CASZ1: variants seen among roughly 807,000 people sequenced by gnomAD.
The protein encoded by CASZ1 is zinc finger protein castor homolog 1.
In CASZ1, 28 loss-of-function variants were observed where a neutral mutation model predicts 135.2. That is an observed-to-expected ratio of 0.21 (90% CI 0.15 to 0.28). The LOEUF (loss-of-function observed/expected upper bound fraction) is 0.28, where lower values mean the gene tolerates loss of function less well. Among genes scored for constraint, CASZ1 ranks in the 10% least tolerant of loss-of-function variants. The pLI, the probability that CASZ1 is intolerant of heterozygous loss-of-function variation, is 1.00. For synonymous variants in CASZ1, 1,068 were observed against 1,073.4 expected (o/e 0.99, Z 0.10); for missense variants, 2,161 against 2,453.3 (o/e 0.88, Z 2.52).
rs1427675281 is a variant in CASZ1 at position 10,638,024 on chromosome 1, T to C, written c.*918A>G. ...ACAGTTAAGGCCTCTACAAAAACCCTGGACCAAATCCCACAGGATAAACGG... is the reference window on the plus strand; with the variant it reads ...ACAGTTAAGGCCTCTACAAAAACCCCGGACCAAATCCCACAGGATAAACGG... On this transcript the variant is annotated 3_prime_UTR_variant, in exon 21 of 21. Coordinates refer to ENST00000377022, the MANE Select transcript of CASZ1 (RefSeq NM_001079843.3). This position sits in a 1 kb window ranked among gnomAD's most constrained non-coding sequence, Gnocchi z 5.9. The C allele has an allele frequency of 6.6e-6, 1 of 152,458 alleles. No individual in the cohort carries two copies. Among genetic ancestry groups the C allele is most frequent in the African/African-American group, 2.4e-5 (1 of 41,456 alleles). The allele number at this position is 152,458 out of a possible 1,614,324, so 9.4% of individuals were successfully genotyped here.
At chr1:10,655,430 A>T (rs1642753731) in intron 9 of CASZ1, among the ~76,000 whole-genome samples, 1 of 152,258 alleles carries the variant, frequency 6.6e-6, no homozygotes, top group Non-Finnish European at 1.5e-5. Flanking sequence ...GCCATGGGGA[A>T]GGCCCCACCC....
chr1:10,777,508 G>A lies in CASZ1; in HGVS notation c.-233-16651C>T, dbSNP rs1021872167. 2.6e-5 allele frequency among the ~76,000 whole-genome samples: 4 copies of A among 152,188 alleles called. No homozygotes were observed. Among genetic ancestry groups the A allele is most frequent in the Admixed American group, 2.6e-4 (4 of 15,282 alleles). On this transcript the variant is annotated intron_variant, in intron 1 of 20. Transcript: ENST00000377022. This position sits in a 1 kb window ranked among gnomAD's most constrained non-coding sequence, Gnocchi z 4.4. The stretch of plus-strand genomic sequence containing the variant: ...CTCACTCAGGGTAGGCCTGGGGCAG[G>A]GGACCAAGTGATACGCGAAAAACAG...
At chr1:10,669,284 GCCCTAGGAAAT>G (rs1557490285) in intron 4 of CASZ1, among the ~76,000 whole-genome samples, 1 of 152,202 alleles carries the variant, frequency 6.6e-6, no homozygotes, top group Non-Finnish European at 1.5e-5. Flanking sequence ...CCCTAAGCCG[GCCCTAGGAAAT>G]CCCAGGCCTC....
intron 15 of CASZ1, chr1:10,648,575 T>G (rs1642450843): frequency 5.0e-6 from 1 of 198,522 alleles, no homozygotes; most frequent in South Asian, 1.3e-4. Flanking sequence ...TTTAAACGAT[T>G]TCAAGTTCTG....
chr1:10,670,283 C>T (rs2100314142), intron 4 of CASZ1, among the ~76,000 whole-genome samples: 1 of 152,338 alleles, frequency 6.6e-6, no homozygotes, highest in Middle Eastern at 3.4e-3. Context: ...TGTCCATTCC[C>T]ACATAAGGAA....
chr1:10,751,954 C>T (rs571909952), intron 2 of CASZ1, among the ~76,000 whole-genome samples: 44 of 152,346 alleles, frequency 2.9e-4, no homozygotes, highest in African/African-American at 7.7e-4. Flanking sequence ...TCCACAGGAA[C>T]GGATCTAGGA....
chr1:10,782,720 T>A (rs1310016649), intron 1 of CASZ1, among the ~76,000 whole-genome samples: 1 of 144,520 alleles, frequency 6.9e-6, no homozygotes, highest in Non-Finnish European at 1.5e-5. Flanking sequence ...TCGGGATCGC[T>A]GGCGGAGCCA....
chr1:10,722,272 A>C (rs1639511105), intron 2 of CASZ1, among the ~76,000 whole-genome samples: 1 of 152,206 alleles, frequency 6.6e-6, no homozygotes, highest in Non-Finnish European at 1.5e-5. Flanking sequence ...CCCCATTCTC[A>C]AACGCCAAGG....
chr1:10,737,442 G>A (rs1219242861), intron 2 of CASZ1, among the ~76,000 whole-genome samples: 2 of 152,228 alleles, frequency 1.3e-5, no homozygotes, highest in Non-Finnish European at 2.9e-5. Flanking sequence ...CAGACCTCAC[G>A]TCCTGGCTGC....
rs553542520 is a variant in CASZ1 at position 10,788,983 on chromosome 1, C to T, written c.-234+7581G>A. Among the ~76,000 whole-genome samples the T allele has an allele frequency of 6.6e-6, 1 of 152,326 alleles. No homozygotes were observed. Among genetic ancestry groups the T allele is most frequent in the South Asian group, 2.1e-4 (1 of 4,830 alleles). On this transcript the variant is annotated intron_variant, in intron 1 of 20. Transcript: ENST00000377022. The surrounding 1 kb of genome is among the most constrained non-coding windows in gnomAD (Gnocchi z 4.1). ...ACCACTCTGTCCCTCCTGCTTCTCA[C>T]AGTGGCCACTGCAGGGGAGCCCAAG...
rs542036957 is a variant in CASZ1 at position 10,759,633 on chromosome 1, G to C, written c.-77+1068C>G. Among the ~76,000 whole-genome samples, 4 of 152,282 alleles carry C rather than the reference G, an allele frequency of 2.6e-5. No homozygotes were observed. The East Asian group carries it at 7.7e-4, about 29-fold the overall frequency. On this transcript the variant is annotated intron_variant, in intron 2 of 20. Transcript: ENST00000377022. The surrounding 1 kb of genome is among the most constrained non-coding windows in gnomAD (Gnocchi z 4.2). ...TCAGGGACCTACCAAACCCCAGTGC[G>C]CACCAAGGCTCCCGTCTCTGCAAGC...
In CASZ1 at chr1:10,739,493, A is replaced by G. The variant is rs75945491; in HGVS notation, c.-77+21208T>C. On this transcript the variant is annotated intron_variant, in intron 2 of 20. Coordinates refer to ENST00000377022, the MANE Select transcript of CASZ1 (RefSeq NM_001079843.3). The surrounding 1 kb of genome is among the most constrained non-coding windows in gnomAD (Gnocchi z 4.8). ...CCCTCGCTGCTCTGTAATTAAGCTC[A>G]GCTGCGCCCACTCAGGCTTCCAGAC... 5.1e-3 allele frequency among the ~76,000 whole-genome samples: 778 copies of G among 152,208 alleles called. 37 individuals carry two copies. In the East Asian group the frequency reaches 0.12, roughly 24 times the overall value.
chr1:10,698,665 A>T (rs1391947719), intron 3 of CASZ1, among the ~76,000 whole-genome samples: 1 of 152,166 alleles, frequency 6.6e-6, no homozygotes, highest in Non-Finnish European at 1.5e-5. Flanking sequence ...CCAGCTGGGG[A>T]TGAAGCCAAG....
intron 9 of CASZ1, 116 bp downstream of exon 9, chr1:10,655,533 G>C: frequency 1.0e-6 from 1 of 985,192 alleles, no homozygotes; most frequent in South Asian, 1.6e-5. Flanking sequence ...AGAGGCTCCT[G>C]ATCAACTGGG....
Position 10,720,177 on chromosome 1 carries a change from C to T in CASZ1, c.-76-14633G>A, listed in dbSNP as rs868442295. On this transcript the variant is annotated intron_variant, in intron 2 of 20. Coordinates refer to ENST00000377022, the MANE Select transcript of CASZ1 (RefSeq NM_001079843.3). The surrounding 1 kb of genome is among the most constrained non-coding windows in gnomAD (Gnocchi z 5.7). The stretch of plus-strand genomic sequence containing the variant: ...TCAATTTCCTTGTCTATAAAATGCA[C>T]GCGATGATCGTGCCTGTCGCAGGGG... Among the ~76,000 whole-genome samples, 10 of 152,198 alleles carry T rather than the reference C, an allele frequency of 6.6e-5. No homozygotes were observed. The highest frequency in any genetic ancestry group is 1.3e-4 in the Admixed American group (2 of 15,282).
At position 10,648,230 on chromosome 1, in the gene CASZ1, G is replaced by A. The variant is rs930848353; in HGVS notation, c.3159-91C>T. 6.5e-6 allele frequency: 6 copies of A among 929,324 alleles called. No individual in the cohort carries two copies. In the East Asian group the frequency reaches 8.0e-5, roughly 12 times the overall value. 57.6% of individuals were successfully genotyped at this position (929,324 alleles called of 1,614,324 possible). ...TGACCCCATCACAGGCCTAGACCCCGGTGTCCGTCCCTACTCGTCCCCATC... is the reference window on the plus strand; with the variant it reads ...TGACCCCATCACAGGCCTAGACCCCAGTGTCCGTCCCTACTCGTCCCCATC... On this transcript the variant is annotated intron_variant, in intron 15 of 20. Coordinates refer to ENST00000377022, the MANE Select transcript of CASZ1 (RefSeq NM_001079843.3).
chr1:10,737,815 G>A (rs1321141427), intron 2 of CASZ1, among the ~76,000 whole-genome samples: 13 of 152,206 alleles, frequency 8.5e-5, no homozygotes, highest in Admixed American at 5.9e-4. Context: ...GGATCAGCCC[G>A]GAGGCCCCGG....
Position 10,643,176 on chromosome 1 carries a change from C to A in CASZ1, c.4004G>T (p.Arg1335Leu). Residue 1335 changes from arginine (R) to leucine (L), a missense_variant, in exon 19 of 21, where the codon CGC (arginine) becomes CTC (leucine). By Grantham distance (102) the Arg-to-Leu change is moderately radical (BLOSUM62 -2). Transcript: ENST00000377022. The stretch of plus-strand genomic sequence containing the variant: ...GGCTCTCACCTGGGAGGGGGGCACG[C>A]GGTCGAAGTTCTTCCCCAGCATCCT... ...MRRMLGKNFD[R>L]VPPSQGPPGL... 1 of 1,611,572 alleles carries A rather than the reference C, an allele frequency of 6.2e-7. No individual in the cohort carries two copies. The highest frequency in any genetic ancestry group is 8.5e-7 in the Non-Finnish European group (1 of 1,179,834).
intron 4 of CASZ1, among the ~76,000 whole-genome samples, chr1:10,689,531 A>G (rs1557508369): frequency 6.6e-6 from 1 of 152,070 alleles, no homozygotes; most frequent in Non-Finnish European, 1.5e-5. Context: ...CCTACCAGGG[A>G]AAAAGGGCCA....
Sources: allele counts gnomAD v4.1 joint callset (sites outside exome capture counted in the v4.1 genomes callset), GRCh38; gene constraint gnomAD v4.1.1; non-coding constraint Gnocchi (gnomAD v3.1); transcripts MANE v1.5; gene names NCBI Gene and HGNC (gene_info 2026-07-23, HGNC 2026-07-21).